NR5A2: variants seen among roughly 807,000 people sequenced by gnomAD.
NR5A2 encodes CYP7A promoter-binding factor.
In NR5A2, 26 loss-of-function variants were observed where a neutral mutation model predicts 62.7. That is an observed-to-expected ratio of 0.41 (90% CI 0.30 to 0.58). The LOEUF is 0.58. Among genes scored for constraint, NR5A2 ranks in the 20% least tolerant of loss-of-function variants. The pLI is 0.22. For synonymous variants in NR5A2, 246 were observed against 241.7 expected, an observed-to-expected ratio of 1.02 and a Z score of -0.16; for missense variants, 541 against 669.1, an observed-to-expected ratio of 0.81 and a Z score of 2.11.
chr1:200,122,583 G>T (rs1317342935), intron 7 of NR5A2, among the ~76,000 whole-genome samples: 1 of 152,138 alleles, frequency 6.6e-6, no homozygotes, highest in East Asian at 1.9e-4. Context: ...GGAGGGGGTT[G>T]GGCTAGATCT....
At chr1:200,051,467 A>G (rs1377619278) in intron 5 of NR5A2, among the ~76,000 whole-genome samples, 2 of 152,210 alleles carry the variant, frequency 1.3e-5, no homozygotes, top group Non-Finnish European at 2.9e-5. Context: ...GGCATATAAA[A>G]GCATTTTTCA....
intron 7 of NR5A2, among the ~76,000 whole-genome samples, chr1:200,168,537 A>T (rs1654020263): frequency 6.6e-6 from 1 of 152,170 alleles, no homozygotes; most frequent in South Asian, 2.1e-4. Context: ...AAAATTATAC[A>T]TTCTAGTTGG....
chr1:200,108,742 A>G (rs1441988552), intron 5 of NR5A2, among the ~76,000 whole-genome samples: 1 of 152,356 alleles, frequency 6.6e-6, no homozygotes, highest in South Asian at 2.1e-4. Context: ...CTGAAATAAG[A>G]TGCTGATAGT....
At chr1:200,100,924 C>G (rs770358263) in intron 5 of NR5A2, among the ~76,000 whole-genome samples, 1 of 152,090 alleles carries the variant, frequency 6.6e-6, no homozygotes, top group African/African-American at 2.4e-5. Context: ...CTGAAACAAC[C>G]CTTATGGAGC....
chr1:200,108,900 C>A (rs1337848235), intron 5 of NR5A2, among the ~76,000 whole-genome samples: 1 of 152,212 alleles, frequency 6.6e-6, no homozygotes, highest in African/African-American at 2.4e-5. Flanking sequence ...CTCCTTGGGT[C>A]AGCTGTGGGC....
At chr1:200,058,404 C>T (rs1663024534) in intron 5 of NR5A2, 1 of 152,094 alleles carries the variant, frequency 6.6e-6, no homozygotes, top group Non-Finnish European at 1.5e-5. Context: ...TCTTAAAGGA[C>T]TTGTATTATT....
intron 6 of NR5A2, among the ~76,000 whole-genome samples, chr1:200,114,600 T>C (rs533465495): frequency 3.3e-5 from 5 of 152,316 alleles, no homozygotes; most frequent in African/African-American, 1.2e-4. Flanking sequence ...TATGATGTTA[T>C]CTACCAGAGA....
intron 7 of NR5A2, among the ~76,000 whole-genome samples, chr1:200,156,067 G>A (rs1233741878): frequency 1.3e-5 from 2 of 152,160 alleles, no homozygotes; most frequent in African/African-American, 4.8e-5. Flanking sequence ...GAGTGGTCGT[G>A]GGCTGCCTCT....
chr1:200,056,000 G>T (rs1162107259), intron 5 of NR5A2, among the ~76,000 whole-genome samples: 2 of 152,156 alleles, frequency 1.3e-5, no homozygotes, highest in Admixed American at 6.5e-5. Context: ...TTGATTCATG[G>T]TCTCTAAGGT....
At chr1:200,139,787 A>G (rs1469096124) in intron 7 of NR5A2, among the ~76,000 whole-genome samples, 2 of 152,238 alleles carry the variant, frequency 1.3e-5, no homozygotes, top group Non-Finnish European at 2.9e-5. Flanking sequence ...TATTGGAGAC[A>G]GACATTCAAG....
intron 4 of NR5A2, among the ~76,000 whole-genome samples, chr1:200,046,804 T>A (rs1423692768): frequency 2.0e-5 from 3 of 152,222 alleles, no homozygotes; most frequent in Non-Finnish European, 2.9e-5. Context: ...TTTTGCATGA[T>A]GTCATTTAAT....
chr1:200,036,092 G>A lies in NR5A2; in HGVS notation c.65-3566G>A, dbSNP rs12724679. ...GAGGATGAGATGCGTCTGTCCACCC[G>A]CGGTAGGTGTATTTATGGGTCAGTG... On this transcript the variant is annotated intron_variant, in intron 1 of 7. Transcript: ENST00000367362. Among the ~76,000 whole-genome samples, 432 of 152,246 alleles carry A rather than the reference G, an allele frequency of 2.8e-3. 1 individual carries two copies. The highest frequency in any genetic ancestry group is 9.1e-3 in the African/African-American group (377 of 41,550).
intron 5 of NR5A2, among the ~76,000 whole-genome samples, chr1:200,085,399 C>T (rs545702881): frequency 1.4e-4 from 21 of 152,180 alleles, no homozygotes; most frequent in African/African-American, 5.1e-4. Flanking sequence ...CAGTTACTTC[C>T]CTCTTATCAT....
intron 5 of NR5A2, among the ~76,000 whole-genome samples, chr1:200,051,900 AC>A (rs1662650533): frequency 6.6e-6 from 1 of 152,180 alleles, no homozygotes; most frequent in Non-Finnish European, 1.5e-5. Flanking sequence ...GACATAGTGT[AC>A]CAAACACATC....
chr1:200,092,296 G>A (rs1032576743), intron 5 of NR5A2, among the ~76,000 whole-genome samples: 1 of 152,112 alleles, frequency 6.6e-6, no homozygotes, highest in African/African-American at 2.4e-5. Context: ...CTCCTTCCCT[G>A]TATAAAAAGA....
At chr1:200,114,273 C>CAT (rs890876533) in intron 6 of NR5A2, among the ~76,000 whole-genome samples, 4 of 134,666 alleles carry the variant, frequency 3.0e-5, no homozygotes, top group Admixed American at 7.8e-5. Flanking sequence ...TACATATATA[C>CAT]ATATATATAC....
At position 200,145,902 on chromosome 1, in the gene NR5A2, TAGG is replaced by T. The variant is rs563149090; in HGVS notation, c.1378+24950_1378+24952del. ...TGAACATAAGGAAAAATTCATATATTAGGAGAACACTGTACACAGATATAAGTA... is the reference window on the plus strand; with the variant it reads ...TGAACATAAGGAAAAATTCATATATTAGAACACTGTACACAGATATAAGTA... On this transcript the variant is annotated intron_variant, in intron 7 of 7. Coordinates refer to ENST00000367362, the MANE Select transcript of NR5A2 (RefSeq NM_205860.3). 7.9e-5 allele frequency among the ~76,000 whole-genome samples: 12 copies of T among 152,302 alleles called. No individual in the cohort carries two copies. The South Asian group carries it at 2.3e-3, about 29-fold the overall frequency.
intron 5 of NR5A2, among the ~76,000 whole-genome samples, chr1:200,052,433 G>A (rs1662680177): frequency 6.6e-6 from 1 of 152,160 alleles, no homozygotes; most frequent in Non-Finnish European, 1.5e-5. Flanking sequence ...CAATCCTCCT[G>A]CCTTGGCCTC....
intron 5 of NR5A2, among the ~76,000 whole-genome samples, chr1:200,074,477 T>C (rs1663912142): frequency 6.6e-6 from 1 of 150,466 alleles, no homozygotes; most frequent in Non-Finnish European, 1.5e-5. Context: ...GTGGGTCACG[T>C]CTGTAATCCC....
Sources: allele counts gnomAD v4.1 joint callset (sites outside exome capture counted in the v4.1 genomes callset), GRCh38; gene constraint gnomAD v4.1.1; transcripts MANE v1.5; gene names NCBI Gene and HGNC (gene_info 2026-07-23, HGNC 2026-07-21).